Variants in ADGRL3 observed in about 807,000 individuals in gnomAD.
The protein encoded by ADGRL3 is adhesion G protein-coupled receptor L3.
A neutral mutation model predicts 153.5 loss-of-function variants in ADGRL3; 62 were observed. The ratio of observed to expected loss-of-function variants is 0.40; its 90% CI spans 0.33 to 0.50. The LOEUF (loss-of-function observed/expected upper bound fraction) is 0.50, where lower values mean the gene tolerates loss of function less well. ADGRL3 is among the 20% of genes least tolerant of loss of function. The pLI is 0.47. For missense variants in ADGRL3, 1,641 were observed against 1,859.4 expected, an observed-to-expected ratio of 0.88 and a Z score of 2.16; for synonymous variants, 710 against 672.5, an observed-to-expected ratio of 1.06 and a Z score of -0.86.
At chr4:61,632,788 T>C (rs2093243513) in intron 5 of ADGRL3, among the ~76,000 whole-genome samples, 1 of 152,198 alleles carries the variant, frequency 6.6e-6, no homozygotes, top group Non-Finnish European at 1.5e-5. Flanking sequence ...ATAAATGACC[T>C]TTCTGGGTTT....
chr4:61,830,065 G>A (rs1160731355), intron 9 of ADGRL3, among the ~76,000 whole-genome samples: 1 of 151,396 alleles, frequency 6.6e-6, no homozygotes, highest in African/African-American at 2.4e-5. Context: ...GCTTGAGTGT[G>A]GTGGCACCAT....
intron 8 of ADGRL3, 32 bp from the exon 9 acceptor site, chr4:61,813,777 T>C (rs1209775291): frequency 6.2e-7 from 1 of 1,605,432 alleles, no homozygotes; most frequent in Middle Eastern, 1.7e-4. Flanking sequence ...ATACGTATGA[T>C]GTCTTCTTAA....
intron 2 of ADGRL3, among the ~76,000 whole-genome samples, chr4:61,400,016 T>C (rs1338199453): frequency 6.6e-6 from 1 of 151,746 alleles, no homozygotes; most frequent in Non-Finnish European, 1.5e-5. Flanking sequence ...CAATATAATT[T>C]TCAGGGAATC....
At chr4:61,253,448 T>A (rs986909003) in intron 1 of ADGRL3, among the ~76,000 whole-genome samples, 2 of 152,106 alleles carry the variant, frequency 1.3e-5, no homozygotes, top group African/African-American at 4.8e-5. Context: ...AGTATTCTCT[T>A]ACTCCATTGA....
chr4:61,409,970 T>A (rs1212420279), intron 2 of ADGRL3, among the ~76,000 whole-genome samples: 1 of 152,088 alleles, frequency 6.6e-6, no homozygotes, highest in Non-Finnish European at 1.5e-5. Flanking sequence ...ATGCGTATAC[T>A]AGATTTTTAC....
In ADGRL3 at chr4:61,270,049, C is replaced by T. The variant is rs187595645; in HGVS notation, c.-240+68284C>T. Among the ~76,000 whole-genome samples the T allele has an allele frequency of 3.3e-5, 5 of 151,726 alleles. No homozygotes were observed. In the East Asian group the frequency reaches 7.7e-4, roughly 23 times the overall value. ...GACATTTGTTACTATATATAAAAAA[C>T]AATACTTGTTTAAATGTATTTATTA... is the stretch of plus-strand genomic sequence containing the variant. On this transcript the variant is annotated intron_variant, in intron 1 of 26. Coordinates refer to ENST00000683033, the MANE Select transcript of ADGRL3 (RefSeq NM_001387552.1).
chr4:61,834,773 T>C (rs2097914084), intron 9 of ADGRL3, among the ~76,000 whole-genome samples: 1 of 152,172 alleles, frequency 6.6e-6, no homozygotes. Context: ...CTTACATCCA[T>C]AATTTTAGTA....
Position 62,031,479 on chromosome 4 carries a change from T to G in ADGRL3, c.3460T>G (p.Leu1154Val). 3 of 1,610,800 alleles carry G rather than the reference T, an allele frequency of 1.9e-6. No homozygotes were observed. Among genetic ancestry groups the G allele is most frequent in the African/African-American group, 1.3e-5 (1 of 74,894 alleles). Reference protein sequence around the residue: ...VIGAIALLCLLGLTWAFGLMY... With the variant: ...VIGAIALLCLVGLTWAFGLMY... ...AGGTGCAATAGCTCTTCTCTGCCTA[T>G]TAGGATTGACCTGGGCCTTTGGACT... The change falls in exon 23 of 27, where the codon TTA (leucine) becomes GTA (valine). Residue 1154 changes from leucine to valine, a missense_variant. Physicochemically the swap from Leu to Val is conservative, Grantham distance 32 (BLOSUM62 1). Coordinates refer to ENST00000683033, the MANE Select transcript of ADGRL3 (RefSeq NM_001387552.1).
intron 24 of ADGRL3, among the ~76,000 whole-genome samples, chr4:62,039,635 A>G (rs1727051598): frequency 6.6e-6 from 1 of 152,164 alleles, no homozygotes. Context: ...TAGGACTACT[A>G]AATTTGCCAA....
At position 61,296,251 on chromosome 4, in the gene ADGRL3, A is replaced by G. The variant is rs576025165; in HGVS notation, c.-239-86873A>G. 3.9e-5 allele frequency among the ~76,000 whole-genome samples: 6 copies of G among 152,316 alleles called. No individual in the cohort carries two copies. In the East Asian group the frequency reaches 1.2e-3, roughly 29 times the overall value. ...ATGAGGGAGACTTGTGTCGGAGTGC[A>G]GCGATGAAAAATCAGAATCAGAACT... On this transcript the variant is annotated intron_variant, in intron 1 of 26. Transcript: ENST00000683033.
intron 1 of ADGRL3, among the ~76,000 whole-genome samples, chr4:61,213,288 G>A (rs950878173): frequency 1.3e-5 from 2 of 151,902 alleles, no homozygotes; most frequent in Admixed American, 6.6e-5. Flanking sequence ...ATTCCTTGCC[G>A]GCTACTCTCT....
chr4:61,546,115 G>A (rs1488214353), intron 4 of ADGRL3, among the ~76,000 whole-genome samples: 1 of 152,026 alleles, frequency 6.6e-6, no homozygotes, highest in Non-Finnish European at 1.5e-5. Context: ...TTACCCACTT[G>A]AAATTAATTC....
chr4:61,443,130 G>T, intron 2 of ADGRL3, among the ~76,000 whole-genome samples: 1 of 152,226 alleles, frequency 6.6e-6, no homozygotes, highest in African/African-American at 2.4e-5. Flanking sequence ...TATCAATAGA[G>T]TCATGTAGCT....
At chr4:61,585,001 A>G (rs1405258047) in intron 4 of ADGRL3, among the ~76,000 whole-genome samples, 1 of 152,050 alleles carries the variant, frequency 6.6e-6, no homozygotes, top group Non-Finnish European at 1.5e-5. Flanking sequence ...TCACAAATTC[A>G]GTGTCTATTG....
intron 1 of ADGRL3, among the ~76,000 whole-genome samples, chr4:61,263,897 G>GT (rs973032299): frequency 1.1e-3 from 165 of 145,942 alleles, no homozygotes; most frequent in South Asian, 2.6e-3. Flanking sequence ...ATTTAGGGTA[G>GT]TTTTTTTTTT....
At chr4:61,702,631 A>G (rs1266991483) in intron 6 of ADGRL3, among the ~76,000 whole-genome samples, 2 of 152,160 alleles carry the variant, frequency 1.3e-5, no homozygotes, top group African/African-American at 4.8e-5. Flanking sequence ...AATAATTAAT[A>G]TTAAAGTGAT....
rs1481924505 is a variant in ADGRL3 at position 61,318,159 on chromosome 4, A to C, written c.-239-64965A>C. Among the ~76,000 whole-genome samples the C allele has an allele frequency of 2.1e-5, 3 of 140,734 alleles. No homozygotes were observed. The Admixed American group carries it at 2.3e-4, about 11-fold the overall frequency. The allele number at this position is 140,734 out of a possible 152,430, so 92.3% of individuals were successfully genotyped here. Reference sequence around the variant, plus strand: ...CAGTGAGCCAAGATTGCACCACTGCACTCTAGCCTGGGTGATAGAGTGAGA... The same window carrying C: ...CAGTGAGCCAAGATTGCACCACTGCCCTCTAGCCTGGGTGATAGAGTGAGA... On this transcript the variant is annotated intron_variant, in intron 1 of 26. Transcript: ENST00000683033.
At chr4:61,292,176 A>G (rs1459002453) in intron 1 of ADGRL3, among the ~76,000 whole-genome samples, 1 of 152,000 alleles carries the variant, frequency 6.6e-6, no homozygotes, top group Non-Finnish European at 1.5e-5. Flanking sequence ...TGCAACTTAT[A>G]GAGGACCTAA....
At chr4:61,401,249 G>A (rs2096926967) in intron 2 of ADGRL3, among the ~76,000 whole-genome samples, 1 of 151,770 alleles carries the variant, frequency 6.6e-6, no homozygotes, top group African/African-American at 2.4e-5. Context: ...GATTAATTCA[G>A]GGTGTGGTAG....
Sources: allele counts gnomAD v4.1 joint callset (sites outside exome capture counted in the v4.1 genomes callset), GRCh38; gene constraint gnomAD v4.1.1; transcripts MANE v1.5; gene names NCBI Gene and HGNC (gene_info 2026-07-23, HGNC 2026-07-21).